Variants in REDIC1 observed in about 807,000 individuals in gnomAD.
REDIC1 encodes HEI10 Interacting Protein 1.
At chr12:39,860,560 GGACACCTGAGATTCC>G in the REDIC1 span, among the ~76,000 whole-genome samples, 1 of 152,082 alleles carries the variant, frequency 6.6e-6, no homozygotes, top group Non-Finnish European at 1.5e-5. Flanking sequence ...GTTGGTTCAT[GGACACCTGAGATTCC>G]ACATGTCCAA....
the REDIC1 span, among the ~76,000 whole-genome samples, chr12:39,787,464 C>A: frequency 2.3e-4 from 35 of 152,192 alleles, 1 homozygote; most frequent in African/African-American, 8.0e-4. Context: ...AGAGAGAAAT[C>A]CTTTATCGGG....
At chr12:39,849,308 A>G in the REDIC1 span, among the ~76,000 whole-genome samples, 1 of 152,186 alleles carries the variant, frequency 6.6e-6, no homozygotes, top group African/African-American at 2.4e-5. Flanking sequence ...TGCAGCATTT[A>G]GCGAGCACAC....
At chr12:39,829,806 G>T in the REDIC1 span, 59 of 351,924 alleles carry the variant, frequency 1.7e-4, no homozygotes, top group East Asian at 3.4e-3. Flanking sequence ...ATATGCAGTG[G>T]GAGAAATTGC....
chr12:39,885,959 A>G, the REDIC1 span, among the ~76,000 whole-genome samples: 1 of 152,186 alleles, frequency 6.6e-6, no homozygotes, highest in Non-Finnish European at 1.5e-5. Context: ...CTCCAGAGCA[A>G]ATGTTTTGTA....
At chr12:39,867,809 C>T in the REDIC1 span, among the ~76,000 whole-genome samples, 6 of 152,142 alleles carry the variant, frequency 3.9e-5, no homozygotes, top group Non-Finnish European at 2.9e-5. Flanking sequence ...GTACCCCAAC[C>T]TCTGAATCAG....
At chr12:39,670,104 G>C in the REDIC1 span, among the ~76,000 whole-genome samples, 1 of 152,176 alleles carries the variant, frequency 6.6e-6, no homozygotes, top group African/African-American at 2.4e-5. Flanking sequence ...CGGTACCTCA[G>C]TTGGAAATGC....
the REDIC1 span, among the ~76,000 whole-genome samples, chr12:39,789,954 T>C: frequency 1.3e-5 from 2 of 151,992 alleles, no homozygotes; most frequent in East Asian, 3.9e-4. Context: ...ATATACAACA[T>C]GAGCCACAAA....
At chr12:39,857,863 T>G in the REDIC1 span, among the ~76,000 whole-genome samples, 1 of 152,176 alleles carries the variant, frequency 6.6e-6, no homozygotes, top group Non-Finnish European at 1.5e-5. Flanking sequence ...TGATATTCCC[T>G]CTCCCTGAAA....
the REDIC1 span, among the ~76,000 whole-genome samples, chr12:39,901,481 A>C: frequency 7.0e-3 from 961 of 136,496 alleles, 13 homozygotes; most frequent in African/African-American, 0.024. Context: ...CAATGAACTC[A>C]AACAAATTTA....
At chr12:39,655,979 G>GT in the REDIC1 span, among the ~76,000 whole-genome samples, 1,359 of 149,352 alleles carry the variant, frequency 9.1e-3, 19 homozygotes, top group African/African-American at 0.03. Context: ...CCCACATCAG[G>GT]TTTTTTTTTT....
chr12:39,665,339 C>A, the REDIC1 span, among the ~76,000 whole-genome samples: 1 of 152,150 alleles, frequency 6.6e-6, no homozygotes, highest in Non-Finnish European at 1.5e-5. Context: ...AATCGTTTCC[C>A]CATTTCTTGT....
the REDIC1 span, among the ~76,000 whole-genome samples, chr12:39,851,574 C>A: frequency 3.7e-4 from 56 of 152,124 alleles, no homozygotes; most frequent in Non-Finnish European, 8.8e-5. Context: ...GAAGGAGCAA[C>A]ATTATCATCC....
chr12:39,865,314 A>G, the REDIC1 span, among the ~76,000 whole-genome samples: 2 of 152,354 alleles, frequency 1.3e-5, no homozygotes, highest in Non-Finnish European at 2.9e-5. Flanking sequence ...ATGACATTCA[A>G]TCATGTAAGA....
the REDIC1 span, chr12:39,829,260 C>A: frequency 2.6e-5 from 4 of 151,742 alleles, no homozygotes; most frequent in African/African-American, 9.7e-5. Context: ...AGGTTTCTAG[C>A]CTCCCAAGCC....
At chr12:39,805,342 A>G in the REDIC1 span, among the ~76,000 whole-genome samples, 1 of 152,110 alleles carries the variant, frequency 6.6e-6, no homozygotes, top group African/African-American at 2.4e-5. Context: ...ATGCTGGGAC[A>G]CCAGTTAGGA....
At chr12:39,839,067 CAAT>C in the REDIC1 span, among the ~76,000 whole-genome samples, 1 of 152,028 alleles carries the variant, frequency 6.6e-6, no homozygotes, top group African/African-American at 2.4e-5. Context: ...CTATTTTGTG[CAAT>C]AATGTCACTC....
chr12:39,661,847 C>G, the REDIC1 span, among the ~76,000 whole-genome samples: 1 of 152,010 alleles, frequency 6.6e-6, no homozygotes, highest in South Asian at 2.1e-4. Context: ...AAGTGGTTGT[C>G]TAGTTTAATT....
the REDIC1 span, among the ~76,000 whole-genome samples, chr12:39,852,617 C>G: frequency 1.8e-4 from 27 of 152,274 alleles, no homozygotes; most frequent in South Asian, 5.2e-3. Flanking sequence ...GGCAGGGAAC[C>G]TAAGGCTGAT....
the REDIC1 span, among the ~76,000 whole-genome samples, chr12:39,708,811 TC>T: frequency 6.6e-6 from 1 of 151,878 alleles, no homozygotes; most frequent in African/African-American, 2.4e-5. Context: ...ATTATATGCC[TC>T]TTTGCACTTT....
Sources: gnomAD v4.1 joint callset for allele counts (sites outside exome capture counted in the v4.1 genomes callset) on GRCh38, gnomAD v4.1.1 for gene constraint, MANE v1.5 for transcripts, NCBI Gene and HGNC (gene_info 2026-07-23, HGNC 2026-07-21) for gene names.